The following CASP8 variants were observed in gnomAD, a reference collection of about 807,000 sequenced individuals.
CASP8 encodes the protein caspase-8.
In CASP8, 24 loss-of-function variants were observed where a neutral mutation model predicts 46.3. The ratio of observed to expected loss-of-function variants is 0.52; its 90% CI spans 0.38 to 0.73. The LOEUF is 0.73. Ranked by LOEUF, CASP8 falls within the 30% of genes least tolerant of loss-of-function variation. CASP8 has a pLI of 0.00. For missense variants in CASP8, 460 were observed against 559.0 expected, an observed-to-expected ratio of 0.82 and a Z score of 1.79; for synonymous variants, 188 against 200.4, an observed-to-expected ratio of 0.94 and a Z score of 0.52.
At position 201,266,507 on chromosome 2, in the gene CASP8, T is replaced by C. The variant is rs1206946200; in HGVS notation, c.21T>C (p.Leu7=). The part of the protein sequence containing the change: MDFSRN[L]YDIGEQLDSE... The stretch of plus-strand genomic sequence containing the variant: ...AAAAGATGGACTTCAGCAGAAATCT[T>C]TATGATATTGGGGAACAACTGGACA... Residue 7 remains leucine, a synonymous_variant, in exon 2 of 9, where the codon CTT becomes CTC. Coordinates refer to ENST00000673742, the MANE Select transcript of CASP8 (RefSeq NM_001372051.1). The surrounding 1 kb of genome is among the most constrained non-coding windows in gnomAD (Gnocchi z 5.7). The C allele has an allele frequency of 2.5e-6, 4 of 1,614,054 alleles. No individual in the cohort carries two copies. The highest frequency in any genetic ancestry group is 3.4e-6 in the Non-Finnish European group (4 of 1,179,996).
intron 2 of CASP8, among the ~76,000 whole-genome samples, chr2:201,236,748 G>A (rs114863039): frequency 0.012 from 1,759 of 152,016 alleles, 13 homozygotes; most frequent in Middle Eastern, 0.062. Flanking sequence ...CTGGAATATA[G>A]GTGCGCACCA....
Position 201,276,964 on chromosome 2 carries a change from T to A in CASP8, c.798T>A (p.Asp266Glu), listed in dbSNP as rs777561102. 1 of 1,611,652 alleles carries A rather than the reference T, an allele frequency of 6.2e-7. No homozygotes were observed. The highest frequency in any genetic ancestry group is 8.5e-7 in the Non-Finnish European group (1 of 1,177,750). ...GGGACAGGAATGGAACACACTTGGA[T>A]GCAGGTACAGTAGAACCCAAAAGAG... ...SIRDRNGTHL[D>E]AGALTTTFEE... is the part of the protein sequence containing the mutation. Residue 266 changes from aspartate (D) to glutamate (E), a missense_variant, in exon 7 of 9, where the codon GAT (aspartate) becomes GAA (glutamate). Physicochemically the swap from Asp to Glu is conservative, Grantham distance 45. Transcript: ENST00000673742.
chr2:201,235,717 A>T (rs577650963), intron 2 of CASP8, among the ~76,000 whole-genome samples: 2 of 152,362 alleles, frequency 1.3e-5, no homozygotes, highest in South Asian at 4.1e-4. Context: ...TATGTATGAC[A>T]TATATGACAG....
upstream of CASP8, among the ~76,000 whole-genome samples, chr2:201,259,582 C>T (rs1021438740): frequency 6.6e-6 from 1 of 152,122 alleles, no homozygotes; most frequent in Non-Finnish European, 1.5e-5. Context: ...CCTCTGAAAG[C>T]TTATATTCTA....
At chr2:201,283,162 G>T in intron 7 of CASP8, among the ~76,000 whole-genome samples, 1 of 70,186 alleles carries the variant, frequency 1.4e-5, no homozygotes, top group South Asian at 8.2e-4. Flanking sequence ...TTCCCAGTAG[G>T]GGCGGCCGGG....
At position 201,285,276 on chromosome 2, in the gene CASP8, C is replaced by T. The variant is rs1949502408; in HGVS notation, c.1263C>T (p.Tyr421=). 2 of 1,614,046 alleles carry T rather than the reference C, an allele frequency of 1.2e-6. No individual in the cohort carries two copies. The highest frequency in any genetic ancestry group is 1.7e-6 in the Non-Finnish European group (2 of 1,180,050). ...GAAACCCTGCAGAGGGAACCTGGTA[C>T]ATCCAGTCACTTTGCCAGAGCCTGA... The part of the protein sequence containing the change: ...SYRNPAEGTW[Y]IQSLCQSLRE... Residue 421 remains tyrosine, a synonymous_variant, in exon 8 of 9, where the codon TAC becomes TAT. Transcript: ENST00000673742.
chr2:201,241,437 CT>C (rs1286609804), intron 2 of CASP8: 1 of 152,130 alleles, frequency 6.6e-6, no homozygotes, highest in African/African-American at 2.4e-5. Context: ...TTCCAACAAA[CT>C]GGATAATCTA....
intron 2 of CASP8, among the ~76,000 whole-genome samples, chr2:201,254,187 A>ATGT (rs1946915462): frequency 1.3e-5 from 2 of 152,172 alleles, no homozygotes; most frequent in African/African-American, 4.8e-5. Flanking sequence ...GTACGGATTC[A>ATGT]TGTCTGCAGT....
At chr2:201,249,185 G>A (rs1191024646) in intron 2 of CASP8, among the ~76,000 whole-genome samples, 3 of 152,148 alleles carry the variant, frequency 2.0e-5, no homozygotes, top group Admixed American at 1.3e-4. Flanking sequence ...GAGCCACCAC[G>A]CCCTGGTCAA....
intron 2 of CASP8, among the ~76,000 whole-genome samples, chr2:201,270,210 A>C (rs1051134532): frequency 2.0e-5 from 3 of 152,240 alleles, no homozygotes; most frequent in African/African-American, 4.8e-5. Flanking sequence ...TGTGCCAATC[A>C]CATAAATGTG....
At chr2:201,241,822 A>G (rs1946311140) in intron 2 of CASP8, 1 of 152,210 alleles carries the variant, frequency 6.6e-6, no homozygotes, top group Non-Finnish European at 1.5e-5. Context: ...AGCAAATCAA[A>G]TTCAACAGTA....
intron 2 of CASP8, among the ~76,000 whole-genome samples, chr2:201,249,812 T>C (rs973684456): frequency 6.6e-6 from 1 of 152,230 alleles, no homozygotes; most frequent in African/African-American, 2.4e-5. Context: ...CACTTTCCCG[T>C]TATTAACATC....
In CASP8 at chr2:201,249,454, G is replaced by C. The variant is rs191690823; in HGVS notation, c.-27+15342G>C. Among the ~76,000 whole-genome samples, 13 of 152,340 alleles carry C rather than the reference G, an allele frequency of 8.5e-5. No homozygotes were observed. In the East Asian group the frequency reaches 2.5e-3, roughly 29 times the overall value. ...TTTAGAGAAAAAACAGAGCAGATTA[G>C]CTGGGCATGGTGGTATGCACCTGTA... On this transcript the variant is annotated intron_variant, in intron 2 of 6. Coordinates refer to the CASP8 transcript ENST00000264274.
At chr2:201,243,217 A>G (rs1946375742) in intron 2 of CASP8, among the ~76,000 whole-genome samples, 1 of 152,246 alleles carries the variant, frequency 6.6e-6, no homozygotes, top group African/African-American at 2.4e-5. Context: ...AAGAGGGTAG[A>G]TCTCACTTAA....
intron 2 of CASP8, among the ~76,000 whole-genome samples, chr2:201,237,274 A>T (rs565579888): frequency 2.0e-4 from 30 of 151,222 alleles, no homozygotes; most frequent in African/African-American, 6.1e-4. Context: ...TATTTTTAGT[A>T]GAGATGGGGT....
At chr2:201,286,377 C>T in intron 8 of CASP8, 82 bp from the exon 9 acceptor site, 4 of 1,526,734 alleles carry the variant, frequency 2.6e-6, no homozygotes, top group Non-Finnish European at 3.6e-6. Context: ...AACTACAGAA[C>T]TATCTCTGAG....
chr2:201,275,139 C>A (rs1390174426), intron 6 of CASP8, among the ~76,000 whole-genome samples, 186 bp downstream of exon 6: 1 of 151,268 alleles, frequency 6.6e-6, no homozygotes. Flanking sequence ...TAAAATGTGA[C>A]TCCTTCAGTT....
chr2:201,284,869 G>C lies in CASP8; in HGVS notation c.856G>C (p.Asp286His), dbSNP rs1274560305. 6.2e-7 allele frequency: 1 copy of C among 1,614,138 alleles called. No homozygotes were observed. Among genetic ancestry groups the C allele is most frequent in the Admixed American group, 1.7e-5 (1 of 60,024 alleles). The change falls in exon 8 of 9, where the codon GAC becomes CAC. Residue 286 changes from aspartate (D) to histidine (H), a missense_variant. Physicochemically the swap from Asp to His is moderately conservative, Grantham distance 81. Coordinates refer to ENST00000673742, the MANE Select transcript of CASP8 (RefSeq NM_001372051.1). The stretch of plus-strand genomic sequence containing the variant: ...TCATTTTGAGATCAAGCCCCACGAT[G>C]ACTGCACAGTAGAGCAAATCTATGA... ...ELHFEIKPHD[D>H]CTVEQIYEIL...
At chr2:201,254,013 G>A (rs990412633) in intron 2 of CASP8, among the ~76,000 whole-genome samples, 24 of 151,686 alleles carry the variant, frequency 1.6e-4, no homozygotes, top group African/African-American at 4.1e-4. Context: ...CCCAGGAGGC[G>A]GAGGTTGCGG....
Sources: allele counts gnomAD v4.1 joint callset (sites outside exome capture counted in the v4.1 genomes callset), GRCh38; gene constraint gnomAD v4.1.1; non-coding constraint Gnocchi (gnomAD v3.1); transcripts MANE v1.5; gene names NCBI Gene and HGNC (gene_info 2026-07-23, HGNC 2026-07-21).